The following TSPAN14 variants were observed in gnomAD, a reference collection of about 807,000 sequenced individuals.
TSPAN14 encodes tetraspanin-14.
TSPAN14 carries 16 observed loss-of-function variants against 36.6 expected under a neutral mutation model. That is an observed-to-expected ratio of 0.44 (90% CI 0.30 to 0.66). The LOEUF is 0.66. Ranked by LOEUF, TSPAN14 falls within the 30% of genes least tolerant of loss-of-function variation. The pLI is 0.12. For missense variants in TSPAN14, 231 were observed against 355.1 expected (o/e 0.65, Z 2.81); for synonymous variants, 139 against 143.8 (o/e 0.97, Z 0.24).
chr10:80,455,279 G>A (rs796177839), intron 1 of TSPAN14, among the ~76,000 whole-genome samples: 17 of 152,262 alleles, frequency 1.1e-4, no homozygotes, highest in African/African-American at 4.1e-4. Context: ...TCGTGGGCCC[G>A]GGTACTGGCC....
intron 2 of TSPAN14, among the ~76,000 whole-genome samples, chr10:80,495,838 A>G (rs1848171410): frequency 6.6e-6 from 1 of 152,236 alleles, no homozygotes; most frequent in Non-Finnish European, 1.5e-5. Flanking sequence ...ACAGCTGTAC[A>G]TGCCACATAA....
At chr10:80,456,853 A>G (rs1172893251) in intron 1 of TSPAN14, among the ~76,000 whole-genome samples, 1 of 152,162 alleles carries the variant, frequency 6.6e-6, no homozygotes, top group African/African-American at 2.4e-5. Flanking sequence ...ACCTGAGGTC[A>G]GGAGTTCAAG....
chr10:80,521,124 G>A (rs1841247165), exon 9 of TSPAN14: 9 of 288,966 alleles, frequency 3.1e-5, no homozygotes, highest in Middle Eastern at 2.4e-3. Context: ...AGGCCACTGG[G>A]GAGGTGGCAG....
chr10:80,466,382 T>C (rs909958292), intron 1 of TSPAN14: 24 of 152,232 alleles, frequency 1.6e-4, no homozygotes, highest in African/African-American at 4.6e-4. Flanking sequence ...GCTTTCCCAG[T>C]AGCTGAAACC....
chr10:80,485,253 C>T (rs1847525284), intron 1 of TSPAN14, among the ~76,000 whole-genome samples: 1 of 152,022 alleles, frequency 6.6e-6, no homozygotes, highest in Non-Finnish European at 1.5e-5. Flanking sequence ...TGCATCTGCT[C>T]ATAGAGGGCT....
chr10:80,505,514 G>C (rs1005564249), intron 3 of TSPAN14, among the ~76,000 whole-genome samples: 2 of 152,188 alleles, frequency 1.3e-5, no homozygotes, highest in Non-Finnish European at 2.9e-5. Flanking sequence ...CTAGTGTCTT[G>C]AGCCTAGGCC....
At chr10:80,461,536 T>A (rs1845968125) in intron 1 of TSPAN14, among the ~76,000 whole-genome samples, 1 of 152,078 alleles carries the variant, frequency 6.6e-6, no homozygotes, top group African/African-American at 2.4e-5. Context: ...GGGGATTCAT[T>A]CCCAAGGGCT....
In TSPAN14 at chr10:80,478,308, TAGAGCAAAC is replaced by T. The variant is rs571029053; in HGVS notation, c.-17-10905_-17-10897del. Among the ~76,000 whole-genome samples the T allele has an allele frequency of 3.0e-4, 45 of 151,874 alleles. No individual in the cohort carries two copies. The South Asian group carries it at 8.5e-3, about 29-fold the overall frequency. ...AAAGTTCAGGGAGTCTTTCAGAAAA[TAGAGCAAAC>T]AGATGAGGAGATGAATAATAAATAA... On this transcript the variant is annotated intron_variant, in intron 1 of 8. Transcript: ENST00000429989.
chr10:80,507,387 A>G lies in TSPAN14; in HGVS notation c.279+13A>G. The G allele has an allele frequency of 6.2e-7, 1 of 1,614,178 alleles. No individual in the cohort carries two copies. Among genetic ancestry groups the G allele is most frequent in the Non-Finnish European group, 8.5e-7 (1 of 1,180,014 alleles). ...CTTGCTCAACTTTGTGAGTGGCCAC[A>G]GAGACAAGAGTGGGATAGGATGCAA... is the stretch of plus-strand genomic sequence containing the variant. On this transcript the variant is annotated intron_variant, in intron 4 of 8. Transcript: ENST00000429989.
At chr10:80,512,333 C>G in intron 6 of TSPAN14, 64 bp downstream of exon 6, 1 of 1,595,898 alleles carries the variant, frequency 6.3e-7, no homozygotes, top group African/African-American at 1.3e-5. Context: ...GCTTTCCTGA[C>G]TCCTCCAGTG....
intron 1 of TSPAN14, among the ~76,000 whole-genome samples, chr10:80,469,826 G>A (rs994206266): frequency 6.6e-6 from 1 of 151,992 alleles, no homozygotes; most frequent in African/African-American, 2.4e-5. Context: ...CCCTGGGGTG[G>A]GCTGGAAAGT....
intron 1 of TSPAN14, among the ~76,000 whole-genome samples, chr10:80,481,021 C>T (rs1847242231): frequency 6.6e-6 from 1 of 152,096 alleles, no homozygotes; most frequent in Admixed American, 6.6e-5. Context: ...AGGAGAATCT[C>T]TGGAACCCGG....
chr10:80,477,875 G>A (rs75293396), intron 1 of TSPAN14, among the ~76,000 whole-genome samples: 19 of 152,236 alleles, frequency 1.2e-4, no homozygotes, highest in Non-Finnish European at 2.4e-4. Context: ...ATGAAAAGGG[G>A]CCTCACTGTG....
chr10:80,486,005 G>A (rs1001021059), intron 1 of TSPAN14, among the ~76,000 whole-genome samples: 7 of 152,230 alleles, frequency 4.6e-5, no homozygotes, highest in African/African-American at 1.7e-4. Flanking sequence ...TCTTGGATGA[G>A]AGAGGGTTTC....
At chr10:80,464,916 G>C (rs2131959810) in intron 1 of TSPAN14, among the ~76,000 whole-genome samples, 1 of 152,308 alleles carries the variant, frequency 6.6e-6, no homozygotes, top group East Asian at 1.9e-4. Context: ...GGAGTGGTCA[G>C]TGCAACTATT....
chr10:80,473,827 G>T (rs1484630194), intron 1 of TSPAN14, among the ~76,000 whole-genome samples: 1 of 152,000 alleles, frequency 6.6e-6, no homozygotes, highest in African/African-American at 2.4e-5. Flanking sequence ...ATGGGTCAGG[G>T]ATGTGCATGG....
chr10:80,489,232 A>G, exon 2 of TSPAN14: 1 of 1,577,466 alleles, frequency 6.3e-7, no homozygotes, highest in Non-Finnish European at 8.6e-7. Context: ...GCTTCTCAGA[A>G]GATGCACTAT....
At chr10:80,496,237 A>C (rs1413311218) in intron 2 of TSPAN14, among the ~76,000 whole-genome samples, 1 of 151,958 alleles carries the variant, frequency 6.6e-6, no homozygotes, top group Non-Finnish European at 1.5e-5. Context: ...GCTTTTTCTT[A>C]GCTACTTAAA....
At chr10:80,473,615 G>T (rs56295829) in intron 1 of TSPAN14, among the ~76,000 whole-genome samples, 5,602 of 151,818 alleles carry the variant, frequency 0.037, 131 homozygotes, top group Non-Finnish European at 0.058. Context: ...TTGTGCAGCT[G>T]TGTAGTGACT....
Sources: allele counts gnomAD v4.1 joint callset (sites outside exome capture counted in the v4.1 genomes callset), GRCh38; gene constraint gnomAD v4.1.1; transcripts MANE v1.5; gene names NCBI Gene and HGNC (gene_info 2026-07-23, HGNC 2026-07-21).